The following ARHGAP24 variants were observed in gnomAD, a reference collection of about 807,000 sequenced individuals.
ARHGAP24 encodes Rho GTPase activating protein 24, also known as rho GTPase-activating protein 24.
In ARHGAP24, 50 loss-of-function variants were observed where a neutral mutation model predicts 76.4. That is an observed-to-expected ratio of 0.65 (90% CI 0.52 to 0.83). The LOEUF (loss-of-function observed/expected upper bound fraction) is 0.83. Among genes scored for constraint, ARHGAP24 ranks in the 40% least tolerant of loss-of-function variants. ARHGAP24 has a pLI of 0.00. For synonymous variants in ARHGAP24, 345 were observed against 323.3 expected (o/e 1.07, Z -0.72); for missense variants, 930 against 914.2 (o/e 1.02, Z -0.22).
At chr4:85,597,441 G>A (rs2109985507) in intron 2 of ARHGAP24, among the ~76,000 whole-genome samples, 1 of 152,104 alleles carries the variant, frequency 6.6e-6, no homozygotes, top group South Asian at 2.1e-4. Context: ...GGGACGGATG[G>A]GGAAGGAGGG....
chr4:85,481,394 T>G (rs1194045402), intron 1 of ARHGAP24, among the ~76,000 whole-genome samples: 1 of 152,212 alleles, frequency 6.6e-6, no homozygotes, highest in Admixed American at 6.5e-5. Flanking sequence ...GTGTATTTCA[T>G]GGGTTTGGCA....
At chr4:85,863,513 A>C (rs1441564961) in intron 3 of ARHGAP24, among the ~76,000 whole-genome samples, 2 of 152,256 alleles carry the variant, frequency 1.3e-5, no homozygotes, top group African/African-American at 4.8e-5. Flanking sequence ...TCCAGCACTT[A>C]GCATTCTGCC....
At chr4:85,949,150 C>T (rs1737456037) in intron 5 of ARHGAP24, among the ~76,000 whole-genome samples, 1 of 152,154 alleles carries the variant, frequency 6.6e-6, no homozygotes, top group Admixed American at 6.6e-5. Context: ...TCTCTAGCCT[C>T]TAATAGCAAT....
chr4:85,802,086 T>C (rs1279119181), intron 3 of ARHGAP24, among the ~76,000 whole-genome samples: 1 of 152,206 alleles, frequency 6.6e-6, no homozygotes, highest in Non-Finnish European at 1.5e-5. Context: ...TCACAGAAGA[T>C]GGAAATCAAT....
chr4:85,738,948 A>G (rs1448539705), intron 3 of ARHGAP24, among the ~76,000 whole-genome samples: 1 of 152,182 alleles, frequency 6.6e-6, no homozygotes, highest in Non-Finnish European at 1.5e-5. Context: ...ATTTTCAATA[A>G]TTCTCTTGTC....
intron 1 of ARHGAP24, among the ~76,000 whole-genome samples, chr4:85,554,283 G>T (rs1726261488): frequency 6.6e-6 from 1 of 152,112 alleles, no homozygotes; most frequent in Non-Finnish European, 1.5e-5. Context: ...TCTGTATCTT[G>T]AGGATGGTCT....
chr4:85,643,582 C>T (rs912012756), intron 2 of ARHGAP24, among the ~76,000 whole-genome samples: 1 of 152,112 alleles, frequency 6.6e-6, no homozygotes, highest in Non-Finnish European at 1.5e-5. Flanking sequence ...GTTCATACTA[C>T]TTATCACCTT....
chr4:85,522,112 A>G (rs1324128118), intron 1 of ARHGAP24, among the ~76,000 whole-genome samples: 3 of 152,186 alleles, frequency 2.0e-5, no homozygotes, highest in African/African-American at 7.2e-5. Flanking sequence ...TAAATATCCA[A>G]TTAAAAATTC....
intron 3 of ARHGAP24, among the ~76,000 whole-genome samples, chr4:85,823,165 A>G (rs1252914698): frequency 6.6e-6 from 1 of 152,212 alleles, no homozygotes; most frequent in Admixed American, 6.5e-5. Context: ...AGAAAATGCT[A>G]AAAGATCAGA....
chr4:85,680,047 A>G lies in ARHGAP24; in HGVS notation c.181-41838A>G, dbSNP rs200593542. ...TTCGAGGAGAAGAGAAGATCCTTTT[A>G]GAGCCAAAATGTAGCATGGTCATGA... On this transcript the variant is annotated intron_variant, in intron 2 of 9. Transcript: ENST00000395184. Among the ~76,000 whole-genome samples the G allele has an allele frequency of 8.5e-5, 13 of 152,310 alleles. No homozygotes were observed. In the East Asian group the frequency reaches 2.5e-3, roughly 29 times the overall value.
At chr4:85,923,897 G>T in intron 4 of ARHGAP24, 127 bp downstream of exon 4, 1 of 1,383,426 alleles carries the variant, frequency 7.2e-7, no homozygotes, top group South Asian at 1.2e-5. Context: ...ATTGTAAATT[G>T]TTCAACATTA....
chr4:85,850,728 G>A (rs1223679851), intron 3 of ARHGAP24, among the ~76,000 whole-genome samples: 2 of 152,150 alleles, frequency 1.3e-5, no homozygotes, highest in East Asian at 3.8e-4. Flanking sequence ...TTCATGAGCA[G>A]GTTGTTCAGT....
chr4:85,881,058 G>C (rs1188257311), intron 3 of ARHGAP24, among the ~76,000 whole-genome samples: 2 of 151,998 alleles, frequency 1.3e-5, no homozygotes, highest in African/African-American at 4.8e-5. Context: ...TGCAGTTTGG[G>C]GCCATTATTA....
intron 3 of ARHGAP24, among the ~76,000 whole-genome samples, chr4:85,741,138 A>G (rs1391398430): frequency 6.6e-6 from 1 of 152,184 alleles, no homozygotes; most frequent in Non-Finnish European, 1.5e-5. Context: ...TTTCAGAAAA[A>G]TCTAAACAAA....
chr4:85,715,427 G>C (rs1415867990), intron 2 of ARHGAP24, among the ~76,000 whole-genome samples: 1 of 152,024 alleles, frequency 6.6e-6, no homozygotes, highest in Non-Finnish European at 1.5e-5. Context: ...AATAAATACT[G>C]TGTACCAGGC....
chr4:85,610,590 G>T (rs1720350626), intron 2 of ARHGAP24, among the ~76,000 whole-genome samples: 1 of 149,336 alleles, frequency 6.7e-6, no homozygotes. Flanking sequence ...AAGCTGAGTT[G>T]AAACTATATC....
Position 86,001,310 on chromosome 4 carries a change from C to T in ARHGAP24, c.*588C>T, listed in dbSNP as rs140450231. On this transcript the variant is annotated 3_prime_UTR_variant, in exon 10 of 10. Transcript: ENST00000395184. ...AGTTTTATAAAATACAGTCGAATCACCAGGAACCTTTGAGCTGCTTTTAAA... is the reference window on the plus strand; with the variant it reads ...AGTTTTATAAAATACAGTCGAATCATCAGGAACCTTTGAGCTGCTTTTAAA... 2.8e-5 allele frequency: 11 copies of T among 398,870 alleles called. No homozygotes were observed. Among genetic ancestry groups the T allele is most frequent in the African/African-American group, 1.9e-4 (9 of 48,602 alleles). The allele number at this position is 398,870 out of a possible 1,614,324, so 24.7% of individuals were successfully genotyped here.
intron 9 of ARHGAP24, among the ~76,000 whole-genome samples, chr4:85,998,048 C>T (rs1347879126): frequency 6.6e-6 from 1 of 152,166 alleles, no homozygotes. Flanking sequence ...AAACTATTCC[C>T]TTATTACTGG....
intron 1 of ARHGAP24, among the ~76,000 whole-genome samples, chr4:85,529,425 C>T (rs1295558900): frequency 6.6e-6 from 1 of 152,028 alleles, no homozygotes; most frequent in Non-Finnish European, 1.5e-5. Flanking sequence ...TAAAATATTG[C>T]TGAAACCTGT....
Sources: allele counts gnomAD v4.1 joint callset (sites outside exome capture counted in the v4.1 genomes callset), GRCh38; gene constraint gnomAD v4.1.1; transcripts MANE v1.5; gene names NCBI Gene and HGNC (gene_info 2026-07-23, HGNC 2026-07-21).